CFAP210: variants seen among roughly 807,000 people sequenced by gnomAD.
CFAP210 encodes cilia and flagella associated protein 210, also known as cilia- and flagella- associated protein 210.
At chr2:169,652,931 T>C in the CFAP210 span, among the ~76,000 whole-genome samples, 87,696 of 134,328 alleles carry the variant, frequency 0.65, 28,664 homozygotes, top group African/African-American at 0.79. Context: ...ACCCGGGAGG[T>C]GGAGCTTGCA....
At chr2:169,679,076 T>C in the CFAP210 span, among the ~76,000 whole-genome samples, 1 of 152,134 alleles carries the variant, frequency 6.6e-6, no homozygotes, top group Non-Finnish European at 1.5e-5. Context: ...AAAGGCAATG[T>C]AGTGGATAAA....
At chr2:169,658,963 T>A in the CFAP210 span, 885 of 167,242 alleles carry the variant, frequency 5.3e-3, 12 homozygotes, top group African/African-American at 0.02. Context: ...CTATAAAAAA[T>A]TTTTTAAAGT....
chr2:169,669,790 A>AG, the CFAP210 span, among the ~76,000 whole-genome samples: 1 of 149,348 alleles, frequency 6.7e-6, no homozygotes, highest in East Asian at 1.9e-4. Context: ...AAAAAAAAAA[A>AG]AAATGCCGCT....
At chr2:169,650,835 A>G in the CFAP210 span, among the ~76,000 whole-genome samples, 1 of 151,492 alleles carries the variant, frequency 6.6e-6, no homozygotes, top group Non-Finnish European at 1.5e-5. Flanking sequence ...GTGGTAGCTC[A>G]TGCCTGTAAT....
At chr2:169,671,301 T>G in the CFAP210 span, among the ~76,000 whole-genome samples, 1 of 152,212 alleles carries the variant, frequency 6.6e-6, no homozygotes, top group Non-Finnish European at 1.5e-5. Context: ...CTTATTACTA[T>G]TCATTCTTTG....
At chr2:169,676,429 A>G in the CFAP210 span, among the ~76,000 whole-genome samples, 1 of 151,984 alleles carries the variant, frequency 6.6e-6, no homozygotes, top group East Asian at 1.9e-4. Flanking sequence ...CGTTTTTAAA[A>G]TCAAGTTTTC....
chr2:169,685,189 G>T, the CFAP210 span, among the ~76,000 whole-genome samples: 4 of 152,188 alleles, frequency 2.6e-5, no homozygotes, highest in South Asian at 2.1e-4. Context: ...GTACCAAATT[G>T]TTTTTCAAAG....
At chr2:169,687,322 G>T in the CFAP210 span, among the ~76,000 whole-genome samples, 1 of 152,080 alleles carries the variant, frequency 6.6e-6, no homozygotes, top group Non-Finnish European at 1.5e-5. Context: ...TAACCCAAAA[G>T]TCCATAGTCC....
At chr2:169,689,190 C>T in the CFAP210 span, among the ~76,000 whole-genome samples, 2 of 152,214 alleles carry the variant, frequency 1.3e-5, no homozygotes, top group Non-Finnish European at 1.5e-5. Flanking sequence ...TCCCACAACT[C>T]ATGGGAATTT....
the CFAP210 span, among the ~76,000 whole-genome samples, chr2:169,686,642 A>C: frequency 6.6e-6 from 1 of 152,132 alleles, no homozygotes; most frequent in Non-Finnish European, 1.5e-5. Context: ...TTATGAAGCC[A>C]ACAGTCTCAA....
the CFAP210 span, among the ~76,000 whole-genome samples, chr2:169,688,510 C>T: frequency 6.6e-6 from 1 of 152,200 alleles, no homozygotes; most frequent in Non-Finnish European, 1.5e-5. Flanking sequence ...CAGTATCCAA[C>T]TCACCTCTTG....
chr2:169,650,213 C>T, the CFAP210 span: 1 of 1,054,906 alleles, frequency 9.5e-7, no homozygotes, highest in Non-Finnish European at 1.3e-6. Flanking sequence ...ATAATTCATA[C>T]ATTGTTTTTA....
At chr2:169,669,695 G>A in the CFAP210 span, among the ~76,000 whole-genome samples, 5 of 151,434 alleles carry the variant, frequency 3.3e-5, no homozygotes, top group Admixed American at 2.0e-4. Flanking sequence ...TAAAGATGCC[G>A]CTGGAGGAGG....
the CFAP210 span, among the ~76,000 whole-genome samples, chr2:169,683,638 T>C: frequency 6.6e-6 from 1 of 152,228 alleles, no homozygotes; most frequent in East Asian, 1.9e-4. Flanking sequence ...GGAGCTGCTC[T>C]CCACAAAGTA....
the CFAP210 span, among the ~76,000 whole-genome samples, chr2:169,672,457 G>A: frequency 2.6e-5 from 4 of 152,162 alleles, no homozygotes; most frequent in African/African-American, 4.8e-5. Context: ...ACAGAAACCC[G>A]TAGTGTTCAG....
At chr2:169,656,291 A>G in the CFAP210 span, among the ~76,000 whole-genome samples, 5 of 151,998 alleles carry the variant, frequency 3.3e-5, no homozygotes, top group Non-Finnish European at 5.9e-5. Context: ...CCCTGTCTCA[A>G]AAAAAGAGGA....
At chr2:169,689,896 T>C in the CFAP210 span, among the ~76,000 whole-genome samples, 1 of 152,344 alleles carries the variant, frequency 6.6e-6, no homozygotes, top group East Asian at 1.9e-4. Flanking sequence ...ACATTAATTG[T>C]TTTTAAACCA....
chr2:169,681,353 T>G, the CFAP210 span: 1 of 803,918 alleles, frequency 1.2e-6, no homozygotes, highest in Non-Finnish European at 2.1e-6. Context: ...TAATTTACTC[T>G]TGTTATCCTA....
chr2:169,656,747 T>C, the CFAP210 span, among the ~76,000 whole-genome samples: 2 of 151,902 alleles, frequency 1.3e-5, no homozygotes, highest in African/African-American at 4.8e-5. Flanking sequence ...GCAGATCACC[T>C]GAGGTCAGGA....
Sources: allele counts gnomAD v4.1 joint callset (sites outside exome capture counted in the v4.1 genomes callset), GRCh38; gene constraint gnomAD v4.1.1; transcripts MANE v1.5; gene names NCBI Gene and HGNC (gene_info 2026-07-23, HGNC 2026-07-21).